Variants in PCDH15 observed in about 807,000 individuals in gnomAD.
PCDH15 encodes protocadherin-15.
In PCDH15, 129 loss-of-function variants were observed where a neutral mutation model predicts 178.5. That is an observed-to-expected ratio of 0.72 (90% CI 0.63 to 0.84). The LOEUF (loss-of-function observed/expected upper bound fraction) is 0.84. Ranked by LOEUF, PCDH15 falls within the 40% of genes least tolerant of loss-of-function variation. PCDH15 has a pLI of 0.00. For missense variants in PCDH15, 2,230 were observed against 2,099.9 expected (o/e 1.06, Z -1.21); for synonymous variants, 800 against 732.0 (o/e 1.09, Z -1.50).
chr10:54,027,217 G>A (rs888926951), intron 18 of PCDH15, among the ~76,000 whole-genome samples: 2 of 148,672 alleles, frequency 1.3e-5, no homozygotes, highest in African/African-American at 5.1e-5. Flanking sequence ...AAAATACCTA[G>A]GAATCCAACT....
intron 2 of PCDH15, among the ~76,000 whole-genome samples, chr10:55,148,675 C>A (rs888062165): frequency 4.6e-5 from 7 of 151,508 alleles, no homozygotes; most frequent in Non-Finnish European, 1.0e-4. Flanking sequence ...AATGTGTTTC[C>A]ACATTTTATT....
intron 18 of PCDH15, among the ~76,000 whole-genome samples, chr10:54,039,096 GGC>G (rs1191045091): frequency 1.3e-5 from 2 of 151,902 alleles, no homozygotes; most frequent in African/African-American, 2.4e-5. Flanking sequence ...CACCCAGTAT[GGC>G]AGTTATTATT....
intron 2 of PCDH15, among the ~76,000 whole-genome samples, chr10:54,956,495 T>G (rs1838490930): frequency 6.6e-6 from 1 of 151,520 alleles, no homozygotes; most frequent in Non-Finnish European, 1.5e-5. Flanking sequence ...TAACTGAGAA[T>G]GTTCATAATT....
chr10:55,529,741 G>GTGTATA (rs1554881517), intron 2 of PCDH15, among the ~76,000 whole-genome samples: 1 of 62,772 alleles, frequency 1.6e-5, no homozygotes, highest in African/African-American at 5.5e-5. Flanking sequence ...TTGTCTGTGA[G>GTGTATA]TATATATATA....
At chr10:55,519,715 A>T (rs531999209) in intron 2 of PCDH15, among the ~76,000 whole-genome samples, 2 of 149,576 alleles carry the variant, frequency 1.3e-5, no homozygotes, top group Non-Finnish European at 3.0e-5. Context: ...TTTTCTCCAA[A>T]ATTTATTCCA....
intron 25 of PCDH15, among the ~76,000 whole-genome samples, chr10:53,937,404 A>T (rs1271139496): frequency 6.6e-6 from 1 of 152,228 alleles, no homozygotes; most frequent in Admixed American, 6.5e-5. Flanking sequence ...GAGTTACTCC[A>T]ACCTTTCCAC....
intron 14 of PCDH15, among the ~76,000 whole-genome samples, chr10:54,139,283 C>T (rs1016340096): frequency 6.6e-6 from 1 of 151,582 alleles, no homozygotes; most frequent in Non-Finnish European, 1.5e-5. Flanking sequence ...AGTTGAGGAC[C>T]TGACATTCAT....
chr10:54,985,029 CT>C (rs1199723170), intron 2 of PCDH15, among the ~76,000 whole-genome samples: 2 of 152,110 alleles, frequency 1.3e-5, no homozygotes, highest in African/African-American at 2.4e-5. Context: ...GTATCACACC[CT>C]TTCCACCCTC....
intron 2 of PCDH15, among the ~76,000 whole-genome samples, chr10:54,909,960 C>A (rs1029347303): frequency 6.6e-6 from 1 of 152,150 alleles, no homozygotes; most frequent in South Asian, 2.1e-4. Context: ...CTCTTCTCCC[C>A]GTTTTCCTGG....
chr10:54,830,985 C>A (rs1196407686), intron 3 of PCDH15, among the ~76,000 whole-genome samples: 2 of 151,896 alleles, frequency 1.3e-5, no homozygotes, highest in African/African-American at 4.8e-5. Context: ...CAATAAGAAA[C>A]CTTTTCACAA....
intron 2 of PCDH15, among the ~76,000 whole-genome samples, chr10:55,504,273 G>A (rs1033416781): frequency 6.6e-6 from 1 of 151,394 alleles, no homozygotes; most frequent in East Asian, 1.9e-4. Flanking sequence ...CTATGCAAAT[G>A]TGGGGCAGGT....
chr10:54,178,444 T>C (rs1203547753), intron 13 of PCDH15, among the ~76,000 whole-genome samples: 1 of 152,014 alleles, frequency 6.6e-6, no homozygotes, highest in Non-Finnish European at 1.5e-5. Flanking sequence ...CCTGGGGATG[T>C]TAATAATGTT....
intron 8 of PCDH15, among the ~76,000 whole-genome samples, chr10:54,296,647 G>T (rs1051449454): frequency 2.0e-5 from 3 of 151,968 alleles, no homozygotes; most frequent in Non-Finnish European, 2.9e-5. Flanking sequence ...CATAATTTTT[G>T]CCCAAAGCCC....
chr10:54,177,062 T>C (rs1042998899), intron 13 of PCDH15, among the ~76,000 whole-genome samples: 23 of 152,006 alleles, frequency 1.5e-4, no homozygotes, highest in African/African-American at 5.6e-4. Flanking sequence ...AAATAAACTG[T>C]GTTACATCTA....
chr10:55,076,358 T>C (rs1170617857), intron 2 of PCDH15, among the ~76,000 whole-genome samples: 1 of 152,086 alleles, frequency 6.6e-6, no homozygotes, highest in African/African-American at 2.4e-5. Flanking sequence ...TAGTAATATA[T>C]AGTTTAGCTC....
intron 2 of PCDH15, among the ~76,000 whole-genome samples, chr10:54,945,461 C>CT (rs5785103): frequency 4.5e-4 from 66 of 145,484 alleles, no homozygotes; most frequent in African/African-American, 1.1e-3. Context: ...ATTATTTTGC[C>CT]TTTTTTTTTT....
intron 2 of PCDH15, among the ~76,000 whole-genome samples, chr10:55,150,085 G>C (rs7895697): frequency 1.2e-5 from 1 of 86,690 alleles, no homozygotes. Context: ...GGAGGGGAGG[G>C]GAGGAAAAGA....
chr10:55,553,409 A>G (rs973092079), intron 2 of PCDH15, among the ~76,000 whole-genome samples: 3 of 151,862 alleles, frequency 2.0e-5, no homozygotes, highest in Non-Finnish European at 1.5e-5. Context: ...ATTACTCACT[A>G]AAGGCTTTAA....
At chr10:54,595,745 G>A (rs1444638339) in intron 2 of PCDH15, among the ~76,000 whole-genome samples, 1 of 151,894 alleles carries the variant, frequency 6.6e-6, no homozygotes, top group Non-Finnish European at 1.5e-5. Context: ...AGCCAGTACA[G>A]AAAAACAAAC....
Sources: allele counts gnomAD v4.1 joint callset (sites outside exome capture counted in the v4.1 genomes callset), GRCh38; gene constraint gnomAD v4.1.1; transcripts MANE v1.5; gene names NCBI Gene and HGNC (gene_info 2026-07-23, HGNC 2026-07-21).